The following FBN2 variants were observed in gnomAD, a reference collection of about 807,000 sequenced individuals.
FBN2 encodes fibrillin-2.
A neutral mutation model predicts 355.6 loss-of-function variants in FBN2; 105 were observed. That is an observed-to-expected ratio of 0.30 (90% confidence interval 0.25 to 0.35). FBN2 has a LOEUF of 0.35. Ranked by LOEUF, FBN2 falls within the 10% of genes least tolerant of loss-of-function variation. The pLI, the probability that FBN2 is intolerant of heterozygous loss-of-function variation, is 1.00. For missense variants in FBN2, 3,280 were observed against 3,758.7 expected (o/e 0.87, Z 3.33); for synonymous variants, 1,350 against 1,301.2 (o/e 1.04, Z -0.81).
rs1328131268 is a variant in FBN2, at chr5:128,530,709, T to C, written c.338-16A>G. ...CTACAAATCGCTGTAGAAAGCACAA[T>C]AGGAAAATGAATGAATAACTATATA... On this transcript the variant is annotated splice_polypyrimidine_tract_variant and intron_variant, in intron 2 of 64. Coordinates refer to ENST00000262464, the MANE Select transcript of FBN2 (RefSeq NM_001999.4). The C allele has an allele frequency of 2.0e-6, 3 of 1,500,990 alleles. No homozygotes were observed. The highest frequency in any genetic ancestry group is 2.3e-5 in the East Asian group (1 of 44,236). 93.0% of individuals were successfully genotyped at this position (1,500,990 alleles called of 1,614,324 possible).
intron 5 of FBN2, among the ~76,000 whole-genome samples, chr5:128,517,112 T>C (rs1756301177): frequency 6.6e-6 from 1 of 152,182 alleles, no homozygotes; most frequent in Non-Finnish European, 1.5e-5. Flanking sequence ...GTAAAATATA[T>C]GTAAATCTTT....
At chr5:128,300,767 T>C (rs774889208) in intron 48 of FBN2, 50 bp downstream of exon 48, 2 of 1,599,706 alleles carry the variant, frequency 1.3e-6, no homozygotes, top group Non-Finnish European at 1.7e-6. Context: ...CTTTACCATG[T>C]CTTACTATAC....
At chr5:128,370,099 T>C (rs1034405557) in intron 15 of FBN2, among the ~76,000 whole-genome samples, 3 of 152,312 alleles carry the variant, frequency 2.0e-5, no homozygotes, top group Non-Finnish European at 4.4e-5. Context: ...TCTAAAACTC[T>C]TCCTCTTTCT....
chr5:128,259,875 A>T (rs1456979434), intron 64 of FBN2, 46 bp from the exon 65 acceptor site: 1 of 1,606,006 alleles, frequency 6.2e-7, no homozygotes, highest in Admixed American at 1.7e-5. Flanking sequence ...TCTACAGCAC[A>T]AGCAGAGGAC....
At chr5:128,522,821 A>C (rs2112792464) in intron 4 of FBN2, among the ~76,000 whole-genome samples, 1 of 152,294 alleles carries the variant, frequency 6.6e-6, no homozygotes, top group East Asian at 1.9e-4. Context: ...AAAATGCCTA[A>C]ATTTCCACCA....
At chr5:128,510,523 T>C (rs951527202) in intron 5 of FBN2, among the ~76,000 whole-genome samples, 1 of 152,234 alleles carries the variant, frequency 6.6e-6, no homozygotes, top group African/African-American at 2.4e-5. Flanking sequence ...TATATTCTGT[T>C]CTGTGTTTTA....
intron 5 of FBN2, among the ~76,000 whole-genome samples, chr5:128,488,051 C>T (rs1391651863): frequency 6.6e-6 from 1 of 152,164 alleles, no homozygotes; most frequent in African/African-American, 2.4e-5. Context: ...ATAAAGAACA[C>T]ATATACTAAG....
intron 5 of FBN2, among the ~76,000 whole-genome samples, chr5:128,509,442 T>C (rs1756052639): frequency 6.6e-6 from 1 of 152,150 alleles, no homozygotes. Context: ...GGATTCCACA[T>C]CTCTACTTAA....
At chr5:128,314,579 G>A (rs1179333031) in intron 36 of FBN2, among the ~76,000 whole-genome samples, 1 of 152,116 alleles carries the variant, frequency 6.6e-6, no homozygotes, top group East Asian at 1.9e-4. Context: ...GCCTCCCAAA[G>A]TGCTGGAGTA....
chr5:128,441,320 T>C (rs918047892), intron 7 of FBN2, among the ~76,000 whole-genome samples: 1 of 152,178 alleles, frequency 6.6e-6, no homozygotes. Flanking sequence ...TCCCCGTCAG[T>C]GCAGTCCCAG....
rs556138903 is a variant in FBN2, at chr5:128,262,888, T to TG, written c.8192+536dup. On this transcript the variant is annotated intron_variant, in intron 63 of 64. Transcript: ENST00000262464. ...TGGAACTTGAGACAGTGCGCCTAGTTGGAGGGAAGCCTGTCTTGTGGGTCA... is the reference window on the plus strand; with the variant it reads ...TGGAACTTGAGACAGTGCGCCTAGTTGGGAGGGAAGCCTGTCTTGTGGGTCA... Among the ~76,000 whole-genome samples the TG allele has an allele frequency of 3.2e-4, 48 of 152,288 alleles. 1 individual carries two copies. In the South Asian group the frequency reaches 8.9e-3, roughly 28 times the overall value.
rs116934795 is a variant in FBN2 at position 128,447,611 on chromosome 5, G to C, written c.827-1005C>G. Among the ~76,000 whole-genome samples the C allele has an allele frequency of 0.018, 2,703 of 152,176 alleles. 156 individuals are homozygous for C. The East Asian group carries it at 0.25, about 14-fold the overall frequency. ...TCATTAGCAATTTTAATTTCGGCCC[G>C]GTCCTGCGATCTTGCCCTGCCTCCA... On this transcript the variant is annotated intron_variant, in intron 6 of 64. Coordinates refer to ENST00000262464, the MANE Select transcript of FBN2 (RefSeq NM_001999.4).
chr5:128,385,991 A>G (rs965901537), intron 11 of FBN2, among the ~76,000 whole-genome samples: 1 of 151,796 alleles, frequency 6.6e-6, no homozygotes, highest in Non-Finnish European at 1.5e-5. Flanking sequence ...TTACTCTGAT[A>G]CTTTCTTTTG....
chr5:128,295,679 T>C (rs1749485607), intron 48 of FBN2, among the ~76,000 whole-genome samples: 1 of 121,454 alleles, frequency 8.2e-6, no homozygotes, highest in Non-Finnish European at 1.7e-5. Flanking sequence ...TTTTTGTACA[T>C]TGATTTTGTA....
At chr5:128,479,974 CTCTATATATATATATA>C (rs1165117059) in intron 5 of FBN2, among the ~76,000 whole-genome samples, 136 of 17,198 alleles carry the variant, frequency 7.9e-3, no homozygotes, top group African/African-American at 0.013. Flanking sequence ...CTCTCTCTCT[CTCTATATATATATATA>C]TATATATATA....
chr5:128,335,844 A>G, intron 28 of FBN2, 144 bp downstream of exon 28: 1 of 897,948 alleles, frequency 1.1e-6, no homozygotes, highest in African/African-American at 1.6e-5. Flanking sequence ...CTGCAAGATC[A>G]CACAATAACT....
intron 23 of FBN2, among the ~76,000 whole-genome samples, chr5:128,348,767 A>G (rs1275197414): frequency 6.6e-6 from 1 of 152,212 alleles, no homozygotes; most frequent in African/African-American, 2.4e-5. Flanking sequence ...ATGAAATTCA[A>G]GTTCAAACAT....
chr5:128,352,936 G>C (rs909141400), intron 20 of FBN2, among the ~76,000 whole-genome samples: 4 of 152,262 alleles, frequency 2.6e-5, no homozygotes, highest in South Asian at 4.2e-4. Context: ...ACTTTGGGAG[G>C]CTGAGGCAGT....
chr5:128,276,297 G>T, intron 58 of FBN2, 137 bp from the exon 59 acceptor site: 3 of 844,854 alleles, frequency 3.6e-6, no homozygotes, highest in Non-Finnish European at 5.8e-6. Flanking sequence ...GAGAAATGAT[G>T]CACAGAAGGA....
Sources: allele counts gnomAD v4.1 joint callset (sites outside exome capture counted in the v4.1 genomes callset), GRCh38; gene constraint gnomAD v4.1.1; transcripts MANE v1.5; gene names NCBI Gene and HGNC (gene_info 2026-07-23, HGNC 2026-07-21).